NAALADL2: variants seen among roughly 807,000 people sequenced by gnomAD.
The protein encoded by NAALADL2 is N-acetylated alpha-linked acidic dipeptidase like 2.
NAALADL2 carries 76 observed loss-of-function variants against 87.2 expected under a neutral mutation model. The observed-to-expected ratio is 0.87, with a 90% CI of 0.72 to 1.05. The LOEUF (loss-of-function observed/expected upper bound fraction) is 1.05, where lower values mean the gene tolerates loss of function less well. Ranked by LOEUF, NAALADL2 falls within the 50% of genes least tolerant of loss-of-function variation. The pLI, the probability that NAALADL2 is intolerant of heterozygous loss-of-function variation, is 0.00. For synonymous variants in NAALADL2, 354 were observed against 331.0 expected (o/e 1.07, Z -0.75); for missense variants, 1,089 against 945.8 (o/e 1.15, Z -1.99).
intron 1 of NAALADL2, among the ~76,000 whole-genome samples, chr3:174,957,535 C>T (rs1432718323): frequency 6.6e-6 from 1 of 151,808 alleles, no homozygotes; most frequent in East Asian, 1.9e-4. Context: ...GGGGGTATAT[C>T]CCGGATAGCT....
intron 4 of NAALADL2, among the ~76,000 whole-genome samples, chr3:175,258,310 T>TCC (rs1165993046): frequency 0.33 from 33,657 of 102,294 alleles, 5,536 homozygotes; most frequent in South Asian, 0.49. Flanking sequence ...ACTCCGTCCC[T>TCC]CCGCCCCCAC....
intron 12 of NAALADL2, among the ~76,000 whole-genome samples, chr3:175,739,957 G>A (rs193174363): frequency 1.8e-4 from 28 of 152,210 alleles, no homozygotes; most frequent in African/African-American, 6.5e-4. Context: ...AGAGTATGGA[G>A]GAGAGATCTG....
At chr3:174,856,500 G>A (rs956839373), upstream of NAALADL2, among the ~76,000 whole-genome samples, 2 of 152,080 alleles carry the variant, frequency 1.3e-5, no homozygotes, top group East Asian at 1.9e-4. Flanking sequence ...TGAATCATCC[G>A]TATGTCCAGT....
At chr3:174,797,298 CTTTTTTCTTTTTTTTTT>C (rs1167608331) in intron 3 of NAALADL2, among the ~76,000 whole-genome samples, 2 of 97,728 alleles carry the variant, frequency 2.0e-5, no homozygotes, top group African/African-American at 9.5e-5. Flanking sequence ...TTTTGTTTTT[CTTTTTTCTTTTTTTTTT>C]TTTTTTTTTT....
chr3:174,883,983 A>G, intron 1 of NAALADL2, among the ~76,000 whole-genome samples: 1 of 152,000 alleles, frequency 6.6e-6, no homozygotes, highest in Non-Finnish European at 1.5e-5. Flanking sequence ...TGGGCCAATC[A>G]CCCCAGCCAA....
intron 2 of NAALADL2, among the ~76,000 whole-genome samples, chr3:174,716,193 T>G (rs1372284707): frequency 1.3e-5 from 2 of 152,172 alleles, no homozygotes; most frequent in Admixed American, 1.3e-4. Context: ...TATTCTCTGA[T>G]GAAGGGCACA....
intron 13 of NAALADL2, among the ~76,000 whole-genome samples, chr3:175,762,148 C>A (rs1748102402): frequency 6.9e-6 from 1 of 145,980 alleles, no homozygotes; most frequent in Non-Finnish European, 1.5e-5. Flanking sequence ...GTCTATGATC[C>A]ATTCTGAGTT....
chr3:175,566,746 CTTCA>C (rs1402992896), intron 9 of NAALADL2, among the ~76,000 whole-genome samples: 3 of 151,896 alleles, frequency 2.0e-5, no homozygotes, highest in South Asian at 2.1e-4. Flanking sequence ...ATCAGTTCAT[CTTCA>C]TTAATTTTTT....
intron 2 of NAALADL2, among the ~76,000 whole-genome samples, chr3:174,554,211 T>G (rs1018323454): frequency 3.9e-5 from 6 of 152,114 alleles, no homozygotes; most frequent in Non-Finnish European, 2.9e-5. Flanking sequence ...GTACTTAGCC[T>G]TTAATAAAAG....
intron 5 of NAALADL2, among the ~76,000 whole-genome samples, chr3:175,328,879 A>G (rs1160834193): frequency 6.6e-6 from 1 of 152,212 alleles, no homozygotes; most frequent in Non-Finnish European, 1.5e-5. Flanking sequence ...AAAAATATGT[A>G]TCTTTAAGTA....
At chr3:174,930,908 C>T (rs1384403005) in intron 1 of NAALADL2, among the ~76,000 whole-genome samples, 18 of 151,902 alleles carry the variant, frequency 1.2e-4, no homozygotes, top group Admixed American at 1.2e-3. Flanking sequence ...AGGCATGAGC[C>T]ACCACGCCCG....
chr3:174,673,131 A>G lies in NAALADL2; in HGVS notation c.-114-64510A>G, dbSNP rs557837834. Among the ~76,000 whole-genome samples the G allele has an allele frequency of 5.3e-5, 8 of 152,254 alleles. No homozygotes were observed. In the East Asian group the frequency reaches 9.6e-4, roughly 18 times the overall value. On this transcript the variant is annotated intron_variant, in intron 2 of 3. Transcript: ENST00000434257. The stretch of plus-strand genomic sequence containing the variant: ...ATTTTTAAGTGTGAGAATTAGGCCA[A>G]TGGAATACTTTCAGCTGGAATAATT...
chr3:175,429,015 G>A (rs1717283941), intron 5 of NAALADL2, among the ~76,000 whole-genome samples: 1 of 152,038 alleles, frequency 6.6e-6, no homozygotes, highest in Middle Eastern at 3.4e-3. Context: ...CCAAATGAAT[G>A]ATATTGGTTT....
intron 11 of NAALADL2, among the ~76,000 whole-genome samples, chr3:175,630,097 A>G (rs559193627): frequency 1.4e-4 from 22 of 151,838 alleles, no homozygotes; most frequent in East Asian, 7.7e-4. Flanking sequence ...GTCTACTTGC[A>G]CTCATGTTGG....
chr3:174,873,618 G>A (rs1728131731), intron 1 of NAALADL2, among the ~76,000 whole-genome samples: 1 of 151,916 alleles, frequency 6.6e-6, no homozygotes. Flanking sequence ...GCCTTTGCCA[G>A]TTTAGTGCTT....
At chr3:174,592,728 T>C (rs767540278) in intron 2 of NAALADL2, among the ~76,000 whole-genome samples, 1 of 152,146 alleles carries the variant, frequency 6.6e-6, no homozygotes, top group Non-Finnish European at 1.5e-5. Flanking sequence ...GTTTCCATTA[T>C]TAATCTGTGT....
chr3:175,400,320 CG>C (rs1770403097), intron 5 of NAALADL2, among the ~76,000 whole-genome samples: 1 of 152,028 alleles, frequency 6.6e-6, no homozygotes, highest in South Asian at 2.1e-4. Flanking sequence ...AGGGCTTCAT[CG>C]GTACTGGCCT....
intron 9 of NAALADL2, among the ~76,000 whole-genome samples, chr3:175,494,226 A>G (rs1307885063): frequency 1.3e-5 from 2 of 151,990 alleles, no homozygotes; most frequent in Non-Finnish European, 2.9e-5. Context: ...CTATTTTCCC[A>G]TGTTATTAAT....
At chr3:174,923,006 T>C (rs2108364606) in intron 1 of NAALADL2, among the ~76,000 whole-genome samples, 1 of 152,240 alleles carries the variant, frequency 6.6e-6, no homozygotes, top group East Asian at 1.9e-4. Flanking sequence ...ACTTTGAGAT[T>C]ATGCAAACCT....
Sources: allele counts gnomAD v4.1 joint callset (sites outside exome capture counted in the v4.1 genomes callset), GRCh38; gene constraint gnomAD v4.1.1; transcripts MANE v1.5; gene names NCBI Gene and HGNC (gene_info 2026-07-23, HGNC 2026-07-21).